Variants in DNM3 observed in about 807,000 individuals in gnomAD.
The protein encoded by DNM3 is dynamin-3.
DNM3 carries 47 observed loss-of-function variants against 101.6 expected under a neutral mutation model. That is an observed-to-expected ratio of 0.46 (90% CI 0.37 to 0.59). The LOEUF (loss-of-function observed/expected upper bound fraction) is 0.59. DNM3 is among the 20% of genes least tolerant of loss of function. DNM3 has a pLI of 0.00. For missense variants in DNM3, 849 were observed against 1,085.7 expected (o/e 0.78, Z 3.06); for synonymous variants, 385 against 387.9 (o/e 0.99, Z 0.09).
intron 17 of DNM3, among the ~76,000 whole-genome samples, chr1:172,334,974 G>A (rs1222165549): frequency 6.6e-6 from 1 of 152,122 alleles, no homozygotes; most frequent in Non-Finnish European, 1.5e-5. Flanking sequence ...TTCTGTATTT[G>A]AGCAAGAGAA....
intron 1 of DNM3, among the ~76,000 whole-genome samples, chr1:171,889,691 T>A (rs2037092470): frequency 6.6e-6 from 1 of 152,150 alleles, no homozygotes; most frequent in South Asian, 2.1e-4. Flanking sequence ...AAAAATGGGT[T>A]AAAGACAGGA....
intron 6 of DNM3, among the ~76,000 whole-genome samples, chr1:172,036,007 A>C (rs1161449280): frequency 1.3e-5 from 2 of 150,382 alleles, no homozygotes; most frequent in Non-Finnish European, 1.5e-5. Context: ...TTTTTATTTT[A>C]TTTTAGTATT....
chr1:172,122,892 T>G (rs2056405296), intron 13 of DNM3, among the ~76,000 whole-genome samples: 2 of 152,260 alleles, frequency 1.3e-5, no homozygotes, highest in South Asian at 4.1e-4. Flanking sequence ...TTTCCTCACC[T>G]ATCGGGGAGG....
chr1:172,415,576 C>T (rs1371072570), downstream of DNM3, among the ~76,000 whole-genome samples: 1 of 135,966 alleles, frequency 7.4e-6, no homozygotes, highest in African/African-American at 2.8e-5. Flanking sequence ...GTTGCCCAGG[C>T]TGCAATGCAG....
rs568295375 is a variant in DNM3, at chr1:171,924,906, T to C, written c.235+3085T>C. ...CCTGTCCTTTGCCCACTTTTTTTTTTCCCCCTTTTTGAGATGGAGTCTCGC... is the reference window on the plus strand; with the variant it reads ...CCTGTCCTTTGCCCACTTTTTTTTTCCCCCCTTTTTGAGATGGAGTCTCGC... On this transcript the variant is annotated intron_variant, in intron 2 of 20. Coordinates refer to ENST00000627582, the MANE Select transcript of DNM3 (RefSeq NM_015569.5). Among the ~76,000 whole-genome samples the C allele has an allele frequency of 3.9e-3, 574 of 146,214 alleles. 4 individuals carry two copies. The highest frequency in any genetic ancestry group is 5.3e-3 in the Non-Finnish European group (346 of 65,150).
intron 7 of DNM3, among the ~76,000 whole-genome samples, chr1:172,039,607 C>CA (rs2049222135): frequency 3.9e-5 from 6 of 152,028 alleles, no homozygotes; most frequent in Non-Finnish European, 8.8e-5. Flanking sequence ...CCAACTAAAA[C>CA]TATTCTGCTT....
At chr1:172,295,891 TAGGTC>T (rs1167756012) in intron 15 of DNM3, among the ~76,000 whole-genome samples, 3 of 152,100 alleles carry the variant, frequency 2.0e-5, no homozygotes, top group Non-Finnish European at 4.4e-5. Flanking sequence ...GAAACAAAGA[TAGGTC>T]AGGCAAATGC....
chr1:171,848,295 A>C (rs6425454), intron 1 of DNM3, among the ~76,000 whole-genome samples: 93,561 of 151,918 alleles, frequency 0.62, 29,189 homozygotes, highest in East Asian at 0.8. Context: ...CAGCAGTGAC[A>C]TTGCATTTTA....
chr1:172,249,951 CAACTT>C (rs1428577121), intron 14 of DNM3, among the ~76,000 whole-genome samples: 1 of 152,014 alleles, frequency 6.6e-6, no homozygotes, highest in Non-Finnish European at 1.5e-5. Context: ...TAAATTAAAA[CAACTT>C]AAACAACTAT....
At chr1:172,219,941 T>C (rs1464635746) in intron 14 of DNM3, among the ~76,000 whole-genome samples, 2 of 152,280 alleles carry the variant, frequency 1.3e-5, no homozygotes, top group Non-Finnish European at 2.9e-5. Context: ...GAGCAGGGAA[T>C]TTTTTAAAAG....
At chr1:172,223,652 C>T (rs1486217271) in intron 14 of DNM3, among the ~76,000 whole-genome samples, 1 of 152,094 alleles carries the variant, frequency 6.6e-6, no homozygotes, top group Non-Finnish European at 1.5e-5. Context: ...GTGAATAGCA[C>T]CTCTATGTCC....
At chr1:172,096,436 G>A (rs956283849) in intron 13 of DNM3, among the ~76,000 whole-genome samples, 4 of 152,272 alleles carry the variant, frequency 2.6e-5, no homozygotes, top group East Asian at 1.9e-4. Flanking sequence ...GTGGTGATCC[G>A]GGCTTGGGTG....
chr1:172,184,880 G>T (rs2059469084), intron 14 of DNM3, among the ~76,000 whole-genome samples: 1 of 152,062 alleles, frequency 6.6e-6, no homozygotes, highest in Non-Finnish European at 1.5e-5. Context: ...TAGTTGGTCT[G>T]CCAGCAAGCC....
At chr1:172,382,741 T>G (rs2068980501) in intron 18 of DNM3, among the ~76,000 whole-genome samples, 1 of 152,172 alleles carries the variant, frequency 6.6e-6, no homozygotes, top group Non-Finnish European at 1.5e-5. Flanking sequence ...TGTTTGAAGG[T>G]GAGAAGCAAT....
At chr1:172,418,400 A>G in exon 21 of DNM3, 2 of 1,136,774 alleles carry the variant, frequency 1.8e-6, no homozygotes, top group South Asian at 3.3e-5. Context: ...TATATGTCGT[A>G]TGTACATAAA....
intron 13 of DNM3, among the ~76,000 whole-genome samples, chr1:172,111,202 G>A (rs770730705): frequency 2.6e-5 from 4 of 152,178 alleles, no homozygotes; most frequent in African/African-American, 4.8e-5. Flanking sequence ...TGCTTTAGAT[G>A]GGAGAGATTT....
At chr1:172,086,432 A>T (rs1409861107) in intron 12 of DNM3, among the ~76,000 whole-genome samples, 1 of 152,224 alleles carries the variant, frequency 6.6e-6, no homozygotes. Context: ...TTTACTCTGT[A>T]GCACCATTGC....
intron 4 of DNM3, among the ~76,000 whole-genome samples, chr1:172,028,318 C>G (rs1270122571): frequency 1.3e-5 from 2 of 152,178 alleles, no homozygotes; most frequent in Non-Finnish European, 2.9e-5. Flanking sequence ...TGAATGACTA[C>G]TGGGTAAATA....
chr1:172,197,306 T>C (rs2059990046), intron 14 of DNM3, among the ~76,000 whole-genome samples: 1 of 152,204 alleles, frequency 6.6e-6, no homozygotes, highest in Admixed American at 6.6e-5. Context: ...TTTTGGTTAC[T>C]GTAGCCTTGT....
Sources: gnomAD v4.1 joint callset for allele counts (sites outside exome capture counted in the v4.1 genomes callset) on GRCh38, gnomAD v4.1.1 for gene constraint, MANE v1.5 for transcripts, NCBI Gene and HGNC (gene_info 2026-07-23, HGNC 2026-07-21) for gene names.